The following NISCH variants were observed in gnomAD, a reference collection of about 807,000 sequenced individuals.
NISCH encodes the protein I-1 receptor candidate protein.
A neutral mutation model predicts 138.4 loss-of-function variants in NISCH; 55 were observed. That is an observed-to-expected ratio of 0.40 (90% CI 0.32 to 0.50). The LOEUF (loss-of-function observed/expected upper bound fraction) is 0.50. NISCH is among the 20% of genes least tolerant of loss of function. NISCH has a pLI of 0.71. For synonymous variants in NISCH, 860 were observed against 861.5 expected (o/e 1.00, Z 0.03); for missense variants, 1,643 against 2,005.5 (o/e 0.82, Z 3.45).
chr3:52,458,739 G>T lies in NISCH; in HGVS notation c.255G>T (p.Val85=). 1.2e-6 allele frequency: 2 copies of T among 1,613,964 alleles called. No homozygotes were observed. The highest frequency in any genetic ancestry group is 1.7e-6 in the Non-Finnish European group (2 of 1,180,000). The change falls in exon 3 of 21, where the codon GTG becomes GTT. Residue 85 remains valine (V), a synonymous_variant. Coordinates refer to ENST00000345716, the MANE Select transcript of NISCH (RefSeq NM_007184.4). ...TTGGGAAAAACTCAAGAAGCTTGGT[G>T]GAGAAGAGGGAGAAGGATCTGGAGG... ...KIIGKNSRSL[V]EKREKDLEVY... is the part of the protein sequence containing the mutation.
chr3:52,482,537 G>A (rs1707304448), intron 13 of NISCH, among the ~76,000 whole-genome samples: 1 of 152,220 alleles, frequency 6.6e-6, no homozygotes, highest in Non-Finnish European at 1.5e-5. Flanking sequence ...TAGCCCCTCT[G>A]AAGCTGTTTT....
In NISCH at chr3:52,487,538, G is replaced by C; in HGVS notation, c.2046G>C (p.Glu682Asp). 1 of 1,609,210 alleles carries C rather than the reference G, an allele frequency of 6.2e-7. No individual in the cohort carries two copies. The highest frequency in any genetic ancestry group is 1.7e-5 in the Admixed American group (1 of 59,918). ...AGGAGGAGGAAGAGGAGGATGAAGA[G>C]GCCGAGGAGGAGCGCCTGGCTCTGG... is the stretch of plus-strand genomic sequence containing the variant. ...EEEEEEEEDE[E>D]AEEERLALEW... is the part of the protein sequence containing the mutation. Residue 682 changes from glutamate (E) to aspartate (D), a missense_variant, in exon 16 of 21, where the codon GAG (glutamate) becomes GAC (aspartate). Physicochemically the swap from Glu to Asp is conservative, Grantham distance 45 (BLOSUM62 2). Coordinates refer to ENST00000345716, the MANE Select transcript of NISCH (RefSeq NM_007184.4). This position sits in a 1 kb window ranked among gnomAD's most constrained non-coding sequence, Gnocchi z 9.1.
intron 1 of NISCH, among the ~76,000 whole-genome samples, chr3:52,456,759 G>A (rs991839003): frequency 1.3e-5 from 2 of 152,250 alleles, no homozygotes; most frequent in African/African-American, 4.8e-5. Context: ...GAAGCAACAG[G>A]CCAGCCTGGA....
intron 18 of NISCH, 124 bp from the exon 19 acceptor site, chr3:52,490,580 TG>T: frequency 2.2e-6 from 3 of 1,336,474 alleles, no homozygotes; most frequent in Non-Finnish European, 3.1e-6. Context: ...GCATTGCCTA[TG>T]GGGCTTTGCA....
At chr3:52,480,769 T>C in intron 13 of NISCH, 1 of 1,445,042 alleles carries the variant, frequency 6.9e-7, no homozygotes, top group East Asian at 2.6e-5. Flanking sequence ...AACACCATGT[T>C]TGTGGGGCCA....
rs762101757 is a variant in NISCH, at chr3:52,484,566, A to G, written c.1582A>G (p.Ser528Gly). The change falls in exon 14 of 21, where the codon AGT becomes GGT. Residue 528 changes from serine (S) to glycine (G), a missense_variant. Coordinates refer to ENST00000345716, the MANE Select transcript of NISCH (RefSeq NM_007184.4). ...ALASSLSSTD[S>G]LTPEHQPIAQ... ...GGCCAGCAGCCTCTCGTCCACTGAC[A>G]GTCTGACTCCCGAGCACCAGCCCAT... The G allele has an allele frequency of 6.2e-7, 1 of 1,613,134 alleles. No homozygotes were observed.
intron 19 of NISCH, 125 bp downstream of exon 19, chr3:52,490,958 A>C (rs4687621): frequency 0.95 from 1,285,506 of 1,348,848 alleles, 612,827 homozygotes; most frequent in African/African-American, 0.99. Context: ...CCACTTCTTA[A>C]CCGGGGTGGG....
At position 52,458,645 on chromosome 3, in the gene NISCH, C is replaced by T; in HGVS notation, c.178-17C>T. On this transcript the variant is annotated splice_polypyrimidine_tract_variant and intron_variant, in intron 2 of 20. Transcript: ENST00000345716. ...AGCCTCTTAGTCTGTGGTTGATGTG[C>T]TTATGTTTTTTTACAGCTCGTTGCA... The T allele has an allele frequency of 1.2e-6, 2 of 1,607,448 alleles. No homozygotes were observed. Among genetic ancestry groups the T allele is most frequent in the Non-Finnish European group, 1.7e-6 (2 of 1,176,826 alleles).
rs150107623 is a variant in NISCH, at chr3:52,472,453, T to G, written c.669+55T>G. On this transcript the variant is annotated intron_variant, in intron 6 of 20. Transcript: ENST00000345716. Reference sequence around the variant, plus strand: ...CGCTCCCAACTCAGAGGCTAGAGAGTGTTTGTGATGTTGGGTGTCCTAATT... The same window carrying G: ...CGCTCCCAACTCAGAGGCTAGAGAGGGTTTGTGATGTTGGGTGTCCTAATT... The G allele has an allele frequency of 5.5e-6, 8 of 1,447,244 alleles. No homozygotes were observed. In the East Asian group the frequency reaches 1.4e-4, roughly 25 times the overall value. The allele number at this position is 1,447,244 out of a possible 1,614,324, so 89.7% of individuals were successfully genotyped here. A position where few individuals can be genotyped will look rare whatever the true frequency, so the allele number is the denominator to read the frequency against.
rs140425464 is a variant in NISCH at position 52,478,559 on chromosome 3, C to T, written c.1284C>T (p.Phe428=). The change falls in exon 11 of 21, where the codon TTC becomes TTT. Residue 428 remains phenylalanine, a synonymous_variant. Transcript: ENST00000345716. ...PDYRTKVLAQ[F]GERASEVCLD... Reference sequence around the variant, plus strand: ...ACCGGACCAAGGTGCTGGCTCAGTTCGGAGAGAGGGCCTCAGAGGTGAGCC... The same window carrying T: ...ACCGGACCAAGGTGCTGGCTCAGTTTGGAGAGAGGGCCTCAGAGGTGAGCC... 1.6e-4 allele frequency: 261 copies of T among 1,614,000 alleles called. No homozygotes were observed. The highest frequency in any genetic ancestry group is 2.1e-4 in the Non-Finnish European group (250 of 1,180,034).
intron 14 of NISCH, 111 bp from the exon 15 acceptor site, chr3:52,485,667 T>G: frequency 1.6e-6 from 2 of 1,219,172 alleles, no homozygotes; most frequent in Non-Finnish European, 1.2e-6. Context: ...ATGGGGAGCC[T>G]CCTCAGGGCG....
chr3:52,485,657 A>T lies in NISCH; in HGVS notation c.1654-121A>T, dbSNP rs140953242. 331 of 1,092,614 alleles carry T rather than the reference A, an allele frequency of 3.0e-4. No individual in the cohort carries two copies. The African/African-American group carries it at 3.7e-3, about 12-fold the overall frequency. The allele number at this position is 1,092,614 out of a possible 1,614,324, so 67.7% of individuals were successfully genotyped here. The stretch of plus-strand genomic sequence containing the variant: ...GTGGGCTCCAGGGTACAGCGTGGGG[A>T]TGGGGAGCCTCCTCAGGGCGGTGAT... On this transcript the variant is annotated intron_variant, in intron 14 of 20. Transcript: ENST00000345716.
At chr3:52,481,737 G>A in intron 13 of NISCH, 1 of 985,578 alleles carries the variant, frequency 1.0e-6, no homozygotes, top group Non-Finnish European at 1.2e-6. Flanking sequence ...GCAGCTGCAG[G>A]CAGCCCCCCA....
In NISCH at chr3:52,476,555, C is replaced by T. The variant is rs200763699; in HGVS notation, c.874C>T (p.Leu292Phe). Residue 292 changes from leucine to phenylalanine, a missense_variant, in exon 8 of 21, where the codon CTT (leucine) becomes TTT (phenylalanine). By Grantham distance (22) the Leu-to-Phe change is conservative (BLOSUM62 0). Coordinates refer to ENST00000345716, the MANE Select transcript of NISCH (RefSeq NM_007184.4). ...CCCCACTTGGCAGGCATTGACCACG[C>T]TTGACCTGAGCCACAACAGCGTCTC... ...VIPTWQALTT[L>F]DLSHNSVSEI... The T allele has an allele frequency of 3.7e-6, 6 of 1,614,182 alleles. No individual in the cohort carries two copies. Among genetic ancestry groups the T allele is most frequent in the Admixed American group, 1.7e-5 (1 of 60,028 alleles).
chr3:52,472,030 A>C (rs1437972693), intron 5 of NISCH, 53 bp downstream of exon 5: 2 of 1,516,356 alleles, frequency 1.3e-6, no homozygotes, highest in South Asian at 2.6e-5. Flanking sequence ...TGGGGGTGCA[A>C]CCTGCGGGGG....
chr3:52,484,462 T>TGGCCCC, intron 13 of NISCH, 51 bp from the exon 14 acceptor site: 195 of 788,652 alleles, frequency 2.5e-4, no homozygotes, highest in Non-Finnish European at 3.3e-4. Flanking sequence ...ACAGCCGCTC[T>TGGCCCC]CCCCGCCCCA....
intron 19 of NISCH, among the ~76,000 whole-genome samples, 200 bp from the exon 20 acceptor site, chr3:52,491,152 C>T (rs1040430841): frequency 1.3e-5 from 2 of 152,268 alleles, no homozygotes; most frequent in Non-Finnish European, 2.9e-5. Flanking sequence ...ATGTCTCTGT[C>T]TCCCCTTCCA....
At chr3:52,478,348 T>A (rs1707165197) in intron 10 of NISCH, 66 bp downstream of exon 10, 4 of 1,606,112 alleles carry the variant, frequency 2.5e-6, no homozygotes, top group Non-Finnish European at 3.4e-6. Flanking sequence ...TAAAGAAGAA[T>A]GTTAAGATTC....
chr3:52,459,575 A>G (rs1706574206), intron 3 of NISCH, among the ~76,000 whole-genome samples: 2 of 152,030 alleles, frequency 1.3e-5, no homozygotes, highest in Admixed American at 1.3e-4. Context: ...CTGGGACTAC[A>G]GACTTGCACC....
Sources: allele counts gnomAD v4.1 joint callset (sites outside exome capture counted in the v4.1 genomes callset), GRCh38; gene constraint gnomAD v4.1.1; non-coding constraint Gnocchi (gnomAD v3.1); transcripts MANE v1.5; gene names NCBI Gene and HGNC (gene_info 2026-07-23, HGNC 2026-07-21).